Variants in ZFYVE1 observed in about 807,000 individuals in gnomAD.
ZFYVE1 encodes zinc finger FYVE domain-containing protein 1.
Under a neutral mutation model 74.4 loss-of-function variants are expected in ZFYVE1, and 30 were observed. The observed-to-expected ratio is 0.40, with a 90% CI of 0.30 to 0.55. The LOEUF is 0.55. Ranked by LOEUF, ZFYVE1 falls within the 20% of genes least tolerant of loss-of-function variation. The probability of loss-of-function intolerance (pLI) is 0.42; values close to 1 mark genes in which losing one functional copy is unlikely to be tolerated. For synonymous variants in ZFYVE1, 335 were observed against 385.1 expected (o/e 0.87, Z 1.52); for missense variants, 703 against 1,011.6 (o/e 0.69, Z 4.14).
In ZFYVE1 at chr14:72,975,464, C is replaced by G. The variant is rs1247475587; in HGVS notation, c.1806+87G>C. The G allele has an allele frequency of 3.4e-6, 5 of 1,488,216 alleles. No individual in the cohort carries two copies. Among genetic ancestry groups the G allele is most frequent in the Non-Finnish European group, 4.5e-6 (5 of 1,113,924 alleles). 92.2% of individuals were successfully genotyped at this position (1,488,216 alleles called of 1,614,324 possible). Reference sequence around the variant, plus strand: ...ACTGGCAGAAAATGTTTGCGTCTCCCTCACAGAACAAGCTTAGCACAGGGC... The same window carrying G: ...ACTGGCAGAAAATGTTTGCGTCTCCGTCACAGAACAAGCTTAGCACAGGGC... On this transcript the variant is annotated intron_variant, in intron 9 of 11. Coordinates refer to ENST00000556143, the MANE Select transcript of ZFYVE1 (RefSeq NM_021260.4). This position sits in a 1 kb window ranked among gnomAD's most constrained non-coding sequence, Gnocchi z 4.1.
chr14:73,008,382 C>A (rs1468899712), intron 2 of ZFYVE1, among the ~76,000 whole-genome samples: 1 of 152,208 alleles, frequency 6.6e-6, no homozygotes. Context: ...TGGTCTCGAA[C>A]TCCTGACCTC....
At chr14:73,015,391 A>C (rs1894178255) in intron 2 of ZFYVE1, among the ~76,000 whole-genome samples, 1 of 4,682 alleles carries the variant, frequency 2.1e-4, no homozygotes. Flanking sequence ...GGGGGAAGGA[A>C]GAGGGGAAGG....
At chr14:73,023,569 G>A (rs758243868) in intron 2 of ZFYVE1, among the ~76,000 whole-genome samples, 12 of 149,900 alleles carry the variant, frequency 8.0e-5, no homozygotes, top group Non-Finnish European at 1.8e-4. Context: ...CACTCCCATG[G>A]GACCCACTGT....
Position 73,024,367 on chromosome 14 carries a change from C to G in ZFYVE1, c.142G>C (p.Glu48Gln), listed in dbSNP as rs201501973. Residue 48 changes from glutamate (E) to glutamine (Q), a missense_variant, in exon 2 of 12, where the codon GAG (glutamate) becomes CAG (glutamine). Physicochemically the swap from Glu to Gln is conservative, Grantham distance 29. Transcript: ENST00000556143. The stretch of plus-strand genomic sequence containing the variant: ...CTCAGGCGCTCCTGCCGATGGAGCT[C>G]CTCCTCGCAGCGGAGACACTGCAGA... Reference protein sequence around the residue: ...CSLQCLRCEEELHRQERLRNH... With the variant: ...CSLQCLRCEEQLHRQERLRNH... 5.0e-6 allele frequency: 8 copies of G among 1,614,158 alleles called. No homozygotes were observed. In the African/African-American group the frequency reaches 9.3e-5, roughly 19 times the overall value.
intron 2 of ZFYVE1, among the ~76,000 whole-genome samples, chr14:73,017,105 T>C (rs530261160): frequency 6.6e-6 from 1 of 152,100 alleles, no homozygotes; most frequent in South Asian, 2.1e-4. Context: ...ATGGCCATCA[T>C]AGTAAGGCCC....
Position 72,993,214 on chromosome 14 carries a change from A to G in ZFYVE1, c.1132T>C (p.Leu378=), listed in dbSNP as rs1451974378. Residue 378 remains leucine (L), a synonymous_variant, in exon 4 of 12, where the codon TTG becomes CTG. Coordinates refer to ENST00000556143, the MANE Select transcript of ZFYVE1 (RefSeq NM_021260.4). ...GTGTTATTCTCTAGTAGCTGCTCCA[A>G]AGCACGCCGAAGCCCAGAAAAGTCC... ...PTDFSGLRRA[L]EQLLENNTTR... 9 of 1,613,638 alleles carry G rather than the reference A, an allele frequency of 5.6e-6. No individual in the cohort carries two copies. Among genetic ancestry groups the G allele is most frequent in the Non-Finnish European group, 7.6e-6 (9 of 1,179,940 alleles).
At chr14:73,017,828 T>C (rs1349646247) in intron 2 of ZFYVE1, among the ~76,000 whole-genome samples, 1 of 152,212 alleles carries the variant, frequency 6.6e-6, no homozygotes. Context: ...ATCTAGTCTA[T>C]ACATCAGTCT....
At chr14:73,008,347 C>T (rs1486343986) in intron 2 of ZFYVE1, among the ~76,000 whole-genome samples, 5 of 152,034 alleles carry the variant, frequency 3.3e-5, no homozygotes, top group African/African-American at 1.2e-4. Context: ...TTAGTAGAGA[C>T]GGGGTTTCTC....
intron 2 of ZFYVE1, among the ~76,000 whole-genome samples, chr14:73,021,774 T>C (rs1567365875): frequency 6.6e-6 from 1 of 152,132 alleles, no homozygotes; most frequent in Non-Finnish European, 1.5e-5. Flanking sequence ...TATATACATA[T>C]TACATTCAAG....
At chr14:73,005,333 T>C (rs774565871) in intron 2 of ZFYVE1, among the ~76,000 whole-genome samples, 11 of 152,154 alleles carry the variant, frequency 7.2e-5, no homozygotes, top group Non-Finnish European at 1.6e-4. Flanking sequence ...TCGGCTTGTC[T>C]ACACTCAGTG....
Position 72,974,843 on chromosome 14 carries a change from C to T in ZFYVE1, c.1923G>A (p.Arg641=), listed in dbSNP as rs769225143. 3.7e-6 allele frequency: 6 copies of T among 1,613,918 alleles called. No homozygotes were observed. The East Asian group carries it at 6.7e-5, about 18-fold the overall frequency. ...CSSKTRPVPE[R]GWGPAPVRVC... ...CCCGCACTGGCGCAGGGCCCCAGCC[C>T]CGCTCAGGCACTGGCCGAGTCTTTG... is the stretch of plus-strand genomic sequence containing the variant. The change falls in exon 10 of 12, where the codon CGG becomes CGA. Residue 641 remains arginine, a synonymous_variant. Transcript: ENST00000556143.
chr14:73,022,841 T>C (rs1894345221), intron 2 of ZFYVE1, among the ~76,000 whole-genome samples: 2 of 152,112 alleles, frequency 1.3e-5, no homozygotes, highest in South Asian at 4.2e-4. Flanking sequence ...CAGATGCCCC[T>C]CACTGGCTTT....
At chr14:72,990,545 C>T (rs992581915) in intron 4 of ZFYVE1, among the ~76,000 whole-genome samples, 1 of 150,638 alleles carries the variant, frequency 6.6e-6, no homozygotes, top group African/African-American at 2.4e-5. Context: ...TACAGCCACG[C>T]ACCACCACGC....
At chr14:73,006,830 C>T (rs1156777733) in intron 2 of ZFYVE1, among the ~76,000 whole-genome samples, 1 of 150,422 alleles carries the variant, frequency 6.6e-6, no homozygotes, top group Non-Finnish European at 1.5e-5. Context: ...ATTATCCTGC[C>T]TCAGCCTCCT....
chr14:72,993,267 T>C lies in ZFYVE1; in HGVS notation c.1079A>G (p.Lys360Arg), dbSNP rs1357041601. The C allele has an allele frequency of 3.7e-6, 6 of 1,613,766 alleles. 1 individual carries two copies. The South Asian group carries it at 6.6e-5, about 18-fold the overall frequency. The part of the protein sequence containing the change: ...FPEAFSSIHY[K>R]GTRTYNPPTD... ...GGGAGGGTTGTAAGTCCTCGTTCCC[T>C]TGTAGTGAATGGAACTAAAGGCTTC... The change falls in exon 4 of 12, where the codon AAG becomes AGG. Residue 360 changes from lysine (K) to arginine (R), a missense_variant. By Grantham distance (26) the Lys-to-Arg change is conservative (BLOSUM62 2). Around this residue, in one of 2 missense-constraint regions of ZFYVE1, gnomAD observed 492 missense variants for 790.0 expected, o/e 0.62. Transcript: ENST00000556143.
rs528120208 is a variant in ZFYVE1 at position 72,992,975 on chromosome 14, A to G, written c.1203+168T>C. ...ACTTCCCCATATTTGCACTCCTGGC[A>G]AGATGAAAGCATCTGACAGGTGCGG... On this transcript the variant is annotated intron_variant, in intron 4 of 11. Transcript: ENST00000556143. 4.1e-4 allele frequency among the ~76,000 whole-genome samples: 63 copies of G among 152,044 alleles called. 1 individual carries two copies. Among genetic ancestry groups the G allele is most frequent in the Non-Finnish European group, 8.4e-4 (57 of 68,014 alleles).
chr14:72,975,631 G>C lies in ZFYVE1; in HGVS notation c.1726C>G (p.Leu576Val), dbSNP rs774938921. The C allele has an allele frequency of 6.2e-7, 1 of 1,614,192 alleles. No individual in the cohort carries two copies. The highest frequency in any genetic ancestry group is 1.1e-5 in the South Asian group (1 of 91,086). Reference protein sequence around the residue: ...FMAQSVSELSLGPTKAVTSWL... With the variant: ...FMAQSVSELSVGPTKAVTSWL... The stretch of plus-strand genomic sequence containing the variant: ...GAAGTCACAGCCTTGGTGGGTCCAA[G>C]GCTAAGCTCGGACACCGACTGAGCC... Residue 576 changes from leucine (L) to valine (V), a missense_variant, in exon 9 of 12, where the codon CTT becomes GTT. Physicochemically the swap from Leu to Val is conservative, Grantham distance 32 (BLOSUM62 1). Coordinates refer to ENST00000556143, the MANE Select transcript of ZFYVE1 (RefSeq NM_021260.4). The surrounding 1 kb of genome is among the most constrained non-coding windows in gnomAD (Gnocchi z 4.1).
At chr14:73,018,577 TC>T (rs1384899033) in intron 2 of ZFYVE1, among the ~76,000 whole-genome samples, 24 of 152,246 alleles carry the variant, frequency 1.6e-4, no homozygotes, top group African/African-American at 5.8e-4. Flanking sequence ...AAATCTGCTT[TC>T]CCCACTTGAA....
In ZFYVE1 at chr14:72,993,295, GGAA is replaced by G. The variant is rs1390848216; in HGVS notation, c.1048_1050del (p.Phe350del). ...TAGTGAATGGAACTAAAGGCTTCAG[GGAA>G]ACGGCCCAGCTTCCGGAACCGGTCC... On this transcript the variant is annotated inframe_deletion, in exon 4 of 12. Coordinates refer to ENST00000556143, the MANE Select transcript of ZFYVE1 (RefSeq NM_021260.4). 6.2e-7 allele frequency: 1 copy of G among 1,613,526 alleles called. No homozygotes were observed. The highest frequency in any genetic ancestry group is 1.3e-5 in the African/African-American group (1 of 74,742).
Sources: gnomAD v4.1 joint callset for allele counts (sites outside exome capture counted in the v4.1 genomes callset) on GRCh38, gnomAD v4.1.1 for gene constraint, gnomAD v4.1.1 regional missense constraint, Gnocchi (gnomAD v3.1) non-coding constraint, MANE v1.5 for transcripts, NCBI Gene and HGNC (gene_info 2026-07-23, HGNC 2026-07-21) for gene names.